Variants in CHCHD5 observed in about 807,000 individuals in gnomAD.
CHCHD5 encodes coiled-coil-helix-coiled-coil-helix domain containing 5.
CHCHD5 carries 10 observed loss-of-function variants against 16.0 expected under a neutral mutation model. The ratio of observed to expected loss-of-function variants is 0.63; its 90% CI spans 0.39 to 1.06. CHCHD5 has a LOEUF of 1.06. Among genes scored for constraint, CHCHD5 ranks in the 50% least tolerant of loss-of-function variants. The pLI, the probability that CHCHD5 is intolerant of heterozygous loss-of-function variation, is 0.01. For synonymous variants in CHCHD5, 55 were observed against 56.3 expected (o/e 0.98, Z 0.10); for missense variants, 163 against 153.4 (o/e 1.06, Z -0.33).
chr2:112,584,807 C>A, intron 1 of CHCHD5, 158 bp downstream of exon 1: 1 of 814,004 alleles, frequency 1.2e-6, no homozygotes, highest in Non-Finnish European at 2.0e-6. Context: ...GAGCTCCAAC[C>A]CTCCGCATGC....
chr2:112,585,499 C>T (rs925343966), intron 1 of CHCHD5, among the ~76,000 whole-genome samples: 2 of 152,176 alleles, frequency 1.3e-5, no homozygotes, highest in Admixed American at 6.5e-5. Context: ...GCTTTACAAG[C>T]CCCAGGGCTG....
At chr2:112,584,470 C>A, upstream of CHCHD5, 2 of 708,200 alleles carry the variant, frequency 2.8e-6, no homozygotes, top group Non-Finnish European at 4.9e-6. Flanking sequence ...CCATGACGAG[C>A]CGGGCCGGAA....
chr2:112,588,727 C>A, intron 3 of CHCHD5, 139 bp from the exon 4 acceptor site: 1 of 669,602 alleles, frequency 1.5e-6, no homozygotes, highest in Non-Finnish European at 2.6e-6. Context: ...TCACATGGCT[C>A]AGGGCCAAGG....
At chr2:112,588,401 G>A (rs1685287719) in intron 3 of CHCHD5, 1 of 153,180 alleles carries the variant, frequency 6.5e-6, no homozygotes, top group Non-Finnish European at 1.4e-5. Flanking sequence ...AGTGAGATTT[G>A]TTGTCTGGTC....
At position 112,584,616 on chromosome 2, in the gene CHCHD5, C is replaced by G. The variant is rs891705810; in HGVS notation, c.-32C>G. The G allele has an allele frequency of 2.5e-6, 4 of 1,611,932 alleles. No homozygotes were observed. Among genetic ancestry groups the G allele is most frequent in the African/African-American group, 2.7e-5 (2 of 74,924 alleles). On this transcript the variant is annotated 5_prime_UTR_variant, in exon 1 of 4. Coordinates refer to ENST00000324913, the MANE Select transcript of CHCHD5 (RefSeq NM_032309.4). ...TACCGGAAAAGGCGGGTCGTTCCCC[C>G]CGGACAGCCCTACGCCGGCAAAGGT...
Position 112,588,930 on chromosome 2 carries a change from C to A in CHCHD5, c.*41C>A, listed in dbSNP as rs1021704354. On this transcript the variant is annotated 3_prime_UTR_variant, in exon 4 of 4. Transcript: ENST00000324913. ...CAGGAAAACTGGACATGAATGACTG[C>A]CCCCACGCCCCTCCCCTGCAGAGTG... The A allele has an allele frequency of 6.7e-7, 1 of 1,486,032 alleles. No individual in the cohort carries two copies. The highest frequency in any genetic ancestry group is 9.4e-7 in the Non-Finnish European group (1 of 1,064,022). 92.1% of individuals were successfully genotyped at this position (1,486,032 alleles called of 1,614,324 possible).
chr2:112,584,540 A>C (rs1205743856), upstream of CHCHD5: 20 of 1,434,166 alleles, frequency 1.4e-5, no homozygotes, highest in East Asian at 4.6e-4. Context: ...TGTTAGTTCA[A>C]TTGGCTACCG....
In CHCHD5 at chr2:112,588,856, T is replaced by C; in HGVS notation, c.310-10T>C. The C allele has an allele frequency of 6.2e-7, 1 of 1,610,512 alleles. No homozygotes were observed. The highest frequency in any genetic ancestry group is 8.5e-7 in the Non-Finnish European group (1 of 1,177,076). ...AGGTGCTACTAGATGTTGATGTACT[T>C]TCTCCACAGGCACAGCCACTTCCTG... On this transcript the variant is annotated splice_polypyrimidine_tract_variant and intron_variant, in intron 3 of 3. Coordinates refer to ENST00000324913, the MANE Select transcript of CHCHD5 (RefSeq NM_032309.4).
rs1026188384 is a variant in CHCHD5, at chr2:112,586,654, T to G, written c.309+289T>G. The G allele has an allele frequency of 4.9e-6, 7 of 1,426,674 alleles. No individual in the cohort carries two copies. The African/African-American group carries it at 1.0e-4, about 20-fold the overall frequency. The allele number at this position is 1,426,674 out of a possible 1,614,324, so 88.4% of individuals were successfully genotyped here. On this transcript the variant is annotated intron_variant, in intron 3 of 3. Transcript: ENST00000324913. ...CCATAAAGCGGCCTGGGTGAGCATG[T>G]AAGGACTGAAATCTGGTCTCATCAC...
At chr2:112,586,847 G>A (rs1685241833) in intron 3 of CHCHD5, 1 of 410,292 alleles carries the variant, frequency 2.4e-6, no homozygotes, top group Non-Finnish European at 4.4e-6. Context: ...GGGCTGGGCT[G>A]GGGTGGCCAA....
chr2:112,587,451 T>C (rs967311382), intron 3 of CHCHD5: 4 of 152,252 alleles, frequency 2.6e-5, no homozygotes, highest in Admixed American at 6.5e-5. Flanking sequence ...GCTGTTTCCC[T>C]CTGCTGGGAC....
chr2:112,586,246 G>T lies in CHCHD5; in HGVS notation c.190G>T (p.Ala64Ser). 6.2e-7 allele frequency: 1 copy of T among 1,613,754 alleles called. No homozygotes were observed. The highest frequency in any genetic ancestry group is 8.5e-7 in the Non-Finnish European group (1 of 1,179,610). The change falls in exon 3 of 4, where the codon GCC (alanine) becomes TCC (serine). Residue 64 changes from alanine to serine, a missense_variant. Physicochemically the swap from Ala to Ser is moderately conservative, Grantham distance 99. Transcript: ENST00000324913. ...IRQACAQPFEAFEECLRQNEA... is the reference protein window; with the variant it reads ...IRQACAQPFESFEECLRQNEA... Reference sequence around the variant, plus strand: ...CCAGGCCTGTGCTCAGCCTTTTGAGGCCTTCGAGGAGTGTCTTCGACAGAA... The same window carrying T: ...CCAGGCCTGTGCTCAGCCTTTTGAGTCCTTCGAGGAGTGTCTTCGACAGAA...
chr2:112,586,389 A>T (rs570141685), intron 3 of CHCHD5, 24 bp downstream of exon 3: 23 of 1,614,166 alleles, frequency 1.4e-5, no homozygotes, highest in South Asian at 1.2e-4. Flanking sequence ...ACCTCAGTTC[A>T]TCTCTTTTCT....
intron 3 of CHCHD5, 92 bp downstream of exon 3, chr2:112,586,457 C>T (rs1685229419): frequency 3.2e-6 from 5 of 1,582,866 alleles, no homozygotes; most frequent in African/African-American, 1.3e-5. Flanking sequence ...GAGTCATCCT[C>T]AGCCCCACCC....
upstream of CHCHD5, chr2:112,584,551 G>GA (rs1248989217): frequency 5.2e-6 from 8 of 1,550,672 alleles, no homozygotes; most frequent in African/African-American, 1.4e-5. Flanking sequence ...TTGGCTACCG[G>GA]AAAAAACCAG....
chr2:112,585,172 C>A (rs866587709), intron 1 of CHCHD5, among the ~76,000 whole-genome samples: 4 of 152,184 alleles, frequency 2.6e-5, no homozygotes, highest in Non-Finnish European at 5.9e-5. Flanking sequence ...GCCCCTGGGA[C>A]CTTGAGTCCC....
intron 3 of CHCHD5, chr2:112,588,649 G>T: frequency 1.8e-6 from 1 of 552,240 alleles, no homozygotes; most frequent in East Asian, 3.1e-5. Flanking sequence ...TACACGGCAG[G>T]TGCTCAGTAA....
intron 3 of CHCHD5, chr2:112,586,602 T>C (rs1364039877): frequency 1.3e-6 from 2 of 1,487,946 alleles, no homozygotes; most frequent in African/African-American, 2.8e-5. Flanking sequence ...TTCTCCCTGG[T>C]CTCCCTTCCT....
At chr2:112,584,903 G>T (rs999454309) in intron 1 of CHCHD5, 9 of 565,790 alleles carry the variant, frequency 1.6e-5, no homozygotes, top group African/African-American at 1.3e-4. Flanking sequence ...CCCAATCTCT[G>T]CCCCCAGTAC....
Sources: allele counts gnomAD v4.1 joint callset (sites outside exome capture counted in the v4.1 genomes callset), GRCh38; gene constraint gnomAD v4.1.1; transcripts MANE v1.5; gene names NCBI Gene and HGNC (gene_info 2026-07-23, HGNC 2026-07-21).